The following CIB2 variants were observed in gnomAD, a reference collection of about 807,000 sequenced individuals.
CIB2 encodes calcium and integrin binding family member 2.
In CIB2, 19 loss-of-function variants were observed where a neutral mutation model predicts 23.1. The ratio of observed to expected loss-of-function variants is 0.82; its 90% CI spans 0.57 to 1.21. CIB2 has a LOEUF of 1.21. Among genes scored for constraint, CIB2 ranks in the 50% most tolerant of loss-of-function variants. The pLI, the probability that CIB2 is intolerant of heterozygous loss-of-function variation, is 0.00. For synonymous variants in CIB2, 94 were observed against 91.7 expected (o/e 1.03, Z -0.14); for missense variants, 220 against 241.5 (o/e 0.91, Z 0.59).
intron 2 of CIB2, among the ~76,000 whole-genome samples, chr15:78,122,636 C>T (rs879593517): frequency 1.3e-5 from 2 of 152,250 alleles, no homozygotes; most frequent in Non-Finnish European, 2.9e-5. Flanking sequence ...GTAGGTTTCA[C>T]TATCCCTATT....
chr15:78,111,077 G>A (rs780951279), intron 3 of CIB2, 88 bp downstream of exon 3: 2 of 1,082,996 alleles, frequency 1.8e-6, no homozygotes, highest in Non-Finnish European at 2.9e-6. Context: ...ACAAAGGGTG[G>A]AGCTGGGTTC....
chr15:78,126,698 T>C (rs961475723), intron 1 of CIB2, among the ~76,000 whole-genome samples: 2 of 152,228 alleles, frequency 1.3e-5, no homozygotes. Flanking sequence ...TTACGTTATT[T>C]CAGTGGCTGC....
rs778654195 is a variant in CIB2 at position 78,123,689 on chromosome 15, G to A, written c.86+16C>T. 27 of 1,613,874 alleles carry A rather than the reference G, an allele frequency of 1.7e-5. No individual in the cohort carries two copies. Among genetic ancestry groups the A allele is most frequent in the Admixed American group, 1.0e-4 (6 of 60,002 alleles). On this transcript the variant is annotated intron_variant, in intron 2 of 5. Transcript: ENST00000258930. ...CAGTCCCAGTCCCAACAGGGTGAACGAGAAGCCACACTTACTTGAGGATGT... is the reference window on the plus strand; with the variant it reads ...CAGTCCCAGTCCCAACAGGGTGAACAAGAAGCCACACTTACTTGAGGATGT...
At chr15:78,114,391 C>T (rs923894342) in intron 2 of CIB2, among the ~76,000 whole-genome samples, 2 of 152,110 alleles carry the variant, frequency 1.3e-5, no homozygotes, top group Non-Finnish European at 2.9e-5. Context: ...GTCAAAGAAC[C>T]ACATCTCTGT....
chr15:78,125,442 C>T (rs998281143), intron 1 of CIB2, among the ~76,000 whole-genome samples: 2 of 152,144 alleles, frequency 1.3e-5, no homozygotes, highest in African/African-American at 4.8e-5. Flanking sequence ...CCCCTCTTCT[C>T]TCTCCTATCC....
In CIB2 at chr15:78,111,279, T is replaced by C. The variant is rs117723991; in HGVS notation, c.87-3A>G. ...GCTCATAGAATCGCGAATGCAGCCTTGGAGGAAAGCAGAGAAAAAGCGCTG... is the reference window on the plus strand; with the variant it reads ...GCTCATAGAATCGCGAATGCAGCCTCGGAGGAAAGCAGAGAAAAAGCGCTG... On this transcript the variant is annotated splice_region_variant and splice_polypyrimidine_tract_variant and intron_variant, in intron 2 of 5. Transcript: ENST00000258930. 718 of 1,613,256 alleles carry C rather than the reference T, an allele frequency of 4.5e-4. 7 individuals carry two copies. In the East Asian group the frequency reaches 0.015, roughly 34 times the overall value.
At chr15:78,130,635 T>C (rs2074440691) in intron 1 of CIB2, among the ~76,000 whole-genome samples, 1 of 152,122 alleles carries the variant, frequency 6.6e-6, no homozygotes, top group East Asian at 1.9e-4. Flanking sequence ...GCTCCAGTTA[T>C]CTCCATGCTG....
At chr15:78,106,062 T>C in intron 4 of CIB2, 128 bp from the exon 5 acceptor site, 1 of 735,508 alleles carries the variant, frequency 1.4e-6, no homozygotes, top group Non-Finnish European at 2.3e-6. Flanking sequence ...AGCATCTCCA[T>C]GCACACTCTT....
intron 2 of CIB2, among the ~76,000 whole-genome samples, chr15:78,115,676 CTTTTTTTTTTT>C (rs56754406): frequency 1.8e-4 from 13 of 71,294 alleles, no homozygotes; most frequent in South Asian, 6.2e-4. Context: ...ATCTCCTTCT[CTTTTTTTTTTT>C]TTTTTTTTTT....
At chr15:78,129,943 T>G (rs2074431681) in intron 1 of CIB2, among the ~76,000 whole-genome samples, 1 of 152,132 alleles carries the variant, frequency 6.6e-6, no homozygotes, top group Non-Finnish European at 1.5e-5. Context: ...TAAATGCGTC[T>G]CCCCTCTTCC....
intron 2 of CIB2, among the ~76,000 whole-genome samples, chr15:78,115,857 C>T (rs182738181): frequency 6.6e-6 from 1 of 151,600 alleles, no homozygotes; most frequent in Non-Finnish European, 1.5e-5. Context: ...TTTGTATATA[C>T]TGGGGATATA....
intron 4 of CIB2, 35 bp downstream of exon 4, chr15:78,109,200 C>T (rs201756330): frequency 1.4e-5 from 16 of 1,159,074 alleles, no homozygotes; most frequent in Non-Finnish European, 1.7e-5. Context: ...GTTCCCCCAC[C>T]GCATATTCAG....
rs1271000835 is a variant in CIB2 at position 78,123,875 on chromosome 15, C to T, written c.52-136G>A. ...AAGAGTCACTACTATCCCTTTCCACCTTGCCCTCACCCACTGGGGACAGCT... is the reference window on the plus strand; with the variant it reads ...AAGAGTCACTACTATCCCTTTCCACTTTGCCCTCACCCACTGGGGACAGCT... On this transcript the variant is annotated intron_variant, in intron 1 of 5. Transcript: ENST00000258930. 15 of 970,162 alleles carry T rather than the reference C, an allele frequency of 1.5e-5. No homozygotes were observed. In the Admixed American group the frequency reaches 2.0e-4, roughly 13 times the overall value. 60.1% of individuals were successfully genotyped at this position (970,162 alleles called of 1,614,324 possible).
intron 4 of CIB2, among the ~76,000 whole-genome samples, chr15:78,107,090 C>T (rs1345511307): frequency 6.6e-6 from 1 of 151,964 alleles, no homozygotes; most frequent in Non-Finnish European, 1.5e-5. Flanking sequence ...AAAAAATTAG[C>T]CGGGCGTGGT....
chr15:78,123,004 C>A (rs774822449), intron 2 of CIB2, among the ~76,000 whole-genome samples: 17 of 152,206 alleles, frequency 1.1e-4, no homozygotes, highest in Non-Finnish European at 2.4e-4. Context: ...CCTAGTGAGG[C>A]CCGTGGGGCA....
intron 4 of CIB2, among the ~76,000 whole-genome samples, chr15:78,106,765 C>T (rs557009207): frequency 1.3e-5 from 2 of 152,182 alleles, no homozygotes; most frequent in South Asian, 2.1e-4. Context: ...GGCTTTCTAG[C>T]GATAAGGGTC....
Position 78,131,056 on chromosome 15 carries a change from T to G in CIB2, c.51+109A>C, listed in dbSNP as rs1269842792. 10 of 955,140 alleles carry G rather than the reference T, an allele frequency of 1.0e-5. No individual in the cohort carries two copies. Among genetic ancestry groups the G allele is most frequent in the Non-Finnish European group, 1.4e-5 (9 of 665,304 alleles). The allele number at this position is 955,140 out of a possible 1,614,324, so 59.2% of individuals were successfully genotyped here. A position where few individuals can be genotyped will look rare whatever the true frequency, so the allele number is the denominator to read the frequency against. On this transcript the variant is annotated intron_variant, in intron 1 of 5. Coordinates refer to ENST00000258930, the MANE Select transcript of CIB2 (RefSeq NM_006383.4). This position sits in a 1 kb window ranked among gnomAD's most constrained non-coding sequence, Gnocchi z 5.8. ...CGTCGAGCTGAAGGCAGAGGCAGGGTTTGAACCTGGGAGAGCTGGCTCTCG... is the reference window on the plus strand; with the variant it reads ...CGTCGAGCTGAAGGCAGAGGCAGGGGTTGAACCTGGGAGAGCTGGCTCTCG...
chr15:78,105,481 G>T, intron 5 of CIB2, 149 bp from the exon 6 acceptor site: 2 of 1,521,170 alleles, frequency 1.3e-6, no homozygotes, highest in East Asian at 2.4e-5. Flanking sequence ...AATCAACACT[G>T]GGGGAAGACG....
intron 2 of CIB2, among the ~76,000 whole-genome samples, chr15:78,113,609 C>A (rs2074193834): frequency 6.6e-6 from 1 of 151,780 alleles, no homozygotes; most frequent in Non-Finnish European, 1.5e-5. Flanking sequence ...CGGCTCACTG[C>A]AAGCTCCGCC....
Sources: allele counts gnomAD v4.1 joint callset (sites outside exome capture counted in the v4.1 genomes callset), GRCh38; gene constraint gnomAD v4.1.1; non-coding constraint Gnocchi (gnomAD v3.1); transcripts MANE v1.5; gene names NCBI Gene and HGNC (gene_info 2026-07-23, HGNC 2026-07-21).